The following BRD10 variants were observed in gnomAD, a reference collection of about 807,000 sequenced individuals.
BRD10 encodes bromodomain containing 10.
chr9:5,931,684 T>G, the BRD10 span, among the ~76,000 whole-genome samples: 16 of 152,294 alleles, frequency 1.1e-4, no homozygotes, highest in East Asian at 2.9e-3. Flanking sequence ...ATTAAATCAT[T>G]CTATATTTCG....
At chr9:5,971,029 G>A in the BRD10 span, among the ~76,000 whole-genome samples, 3 of 118,320 alleles carry the variant, frequency 2.5e-5, no homozygotes, top group African/African-American at 9.8e-5. Flanking sequence ...TCCAGCCTGG[G>A]CAACAAGAGC....
chr9:5,996,208 GAATACA>G, the BRD10 span, among the ~76,000 whole-genome samples: 5 of 152,014 alleles, frequency 3.3e-5, no homozygotes, highest in Admixed American at 6.6e-5. Flanking sequence ...CAGAGGAGAA[GAATACA>G]AACAAAACCT....
chr9:6,004,186 C>A, the BRD10 span, among the ~76,000 whole-genome samples: 4 of 152,232 alleles, frequency 2.6e-5, no homozygotes, highest in Admixed American at 2.0e-4. Flanking sequence ...CCCACATTCA[C>A]CCCTTCCGCT....
chr9:5,894,835 C>G, the BRD10 span, among the ~76,000 whole-genome samples: 2 of 152,214 alleles, frequency 1.3e-5, no homozygotes, highest in South Asian at 4.1e-4. The surrounding 1 kb of genome is among the most constrained non-coding windows in gnomAD (Gnocchi z 4.0). Context: ...GAGTCCAGTC[C>G]CAGCATCACA....
the BRD10 span, chr9:6,007,551 T>A: frequency 6.2e-7 from 1 of 1,612,926 alleles, no homozygotes; most frequent in South Asian, 1.1e-5. Context: ...AGCCCTGCTG[T>A]AGCTCGTAGG....
At chr9:5,920,878 G>A in the BRD10 span, 1 of 1,613,996 alleles carries the variant, frequency 6.2e-7, no homozygotes, top group Non-Finnish European at 8.5e-7. Flanking sequence ...TAGCCACAGT[G>A]TTTCCGAGAC....
At chr9:5,961,115 T>G in the BRD10 span, among the ~76,000 whole-genome samples, 2 of 152,212 alleles carry the variant, frequency 1.3e-5, no homozygotes, top group South Asian at 2.1e-4. Context: ...CATCAATCAA[T>G]CTGCTAAAGT....
the BRD10 span, among the ~76,000 whole-genome samples, chr9:5,992,715 CCTTT>C: frequency 1.7e-4 from 7 of 41,202 alleles, no homozygotes; most frequent in Non-Finnish European, 1.3e-3. Context: ...TCTTTCTCCC[CCTTT>C]TTTTTTTTTT....
At chr9:5,916,368 A>C in the BRD10 span, among the ~76,000 whole-genome samples, 1 of 152,152 alleles carries the variant, frequency 6.6e-6, no homozygotes, top group African/African-American at 2.4e-5. Context: ...TTTAGTGTAC[A>C]TATTCTAGCT....
At chr9:5,923,296 C>T in the BRD10 span, 2 of 1,605,562 alleles carry the variant, frequency 1.2e-6, no homozygotes, top group Non-Finnish European at 1.7e-6. Flanking sequence ...CTATTTCTGA[C>T]AACTTCATAT....
the BRD10 span, among the ~76,000 whole-genome samples, chr9:5,937,374 A>G: frequency 2.4e-4 from 36 of 151,888 alleles, no homozygotes; most frequent in African/African-American, 8.2e-4. Context: ...ATCTCTACTA[A>G]AAGTACAAAA....
chr9:5,953,380 G>A, the BRD10 span, among the ~76,000 whole-genome samples: 2 of 152,014 alleles, frequency 1.3e-5, no homozygotes, highest in African/African-American at 4.8e-5. Flanking sequence ...ATTAGGGTGA[G>A]ATTCTCTGCT....
the BRD10 span, chr9:5,897,770 C>G: frequency 1.1e-6 from 1 of 905,542 alleles, no homozygotes; most frequent in African/African-American, 1.6e-5. Flanking sequence ...AGCTCTGATT[C>G]CGGCTTCTGA....
the BRD10 span, among the ~76,000 whole-genome samples, chr9:5,949,944 A>G: frequency 6.6e-6 from 1 of 152,220 alleles, no homozygotes; most frequent in Non-Finnish European, 1.5e-5. Flanking sequence ...TACCAATTTA[A>G]CAAAGTCGTA....
the BRD10 span, among the ~76,000 whole-genome samples, chr9:5,965,932 A>G: frequency 4.6e-5 from 7 of 152,352 alleles, no homozygotes; most frequent in East Asian, 3.9e-4. Context: ...AGCTGTTATT[A>G]TAACAGTTTA....
the BRD10 span, among the ~76,000 whole-genome samples, chr9:5,893,453 T>C: frequency 1.3e-5 from 2 of 152,178 alleles, no homozygotes; most frequent in Non-Finnish European, 2.9e-5. Flanking sequence ...CAGCAAGATG[T>C]AAAGCCCAAC....
chr9:5,978,198 A>G, the BRD10 span, among the ~76,000 whole-genome samples: 21 of 152,182 alleles, frequency 1.4e-4, no homozygotes, highest in Non-Finnish European at 2.8e-4. Context: ...AAATACTAAT[A>G]GAAGCTGTGC....
chr9:5,879,769 C>A, the BRD10 span, among the ~76,000 whole-genome samples: 1 of 152,174 alleles, frequency 6.6e-6, no homozygotes, highest in Non-Finnish European at 1.5e-5. Context: ...TCTCTAGGTT[C>A]TAGCTTATTT....
At chr9:5,905,649 A>C in the BRD10 span, among the ~76,000 whole-genome samples, 2 of 152,242 alleles carry the variant, frequency 1.3e-5, no homozygotes, top group African/African-American at 4.8e-5. Context: ...GAACTCTTTC[A>C]ACCAGCTGCT....
Sources: allele counts gnomAD v4.1 joint callset (sites outside exome capture counted in the v4.1 genomes callset), GRCh38; gene constraint gnomAD v4.1.1; non-coding constraint Gnocchi (gnomAD v3.1); transcripts MANE v1.5; gene names NCBI Gene and HGNC (gene_info 2026-07-23, HGNC 2026-07-21).